The following SPOCK3 variants were observed in gnomAD, a reference collection of about 807,000 sequenced individuals.
SPOCK3 encodes testican-3.
A neutral mutation model predicts 56.6 loss-of-function variants in SPOCK3; 30 were observed. The observed-to-expected ratio is 0.53, with a 90% confidence interval of 0.40 to 0.72. The LOEUF (loss-of-function observed/expected upper bound fraction) is 0.72, where lower values mean the gene tolerates loss of function less well. SPOCK3 is among the 30% of genes least tolerant of loss of function. SPOCK3 has a pLI of 0.00. For missense variants in SPOCK3, 527 were observed against 530.0 expected, an observed-to-expected ratio of 0.99 and a Z score of 0.06; for synonymous variants, 196 against 183.3, an observed-to-expected ratio of 1.07 and a Z score of -0.56.
At chr4:166,871,569 T>C (rs766713902) in intron 6 of SPOCK3, among the ~76,000 whole-genome samples, 8 of 152,046 alleles carry the variant, frequency 5.3e-5, no homozygotes, top group Non-Finnish European at 1.2e-4. Context: ...GGTTAAAACG[T>C]TGCAAACAAA....
At chr4:166,754,311 T>C (rs1480740800) in intron 8 of SPOCK3, 197 bp downstream of exon 8, 1 of 1,303,092 alleles carries the variant, frequency 7.7e-7, no homozygotes, top group Non-Finnish European at 9.7e-7. Flanking sequence ...CTATTTTTCA[T>C]CTTATTTAGC....
At chr4:166,833,439 A>G (rs189390495) in intron 6 of SPOCK3, among the ~76,000 whole-genome samples, 1 of 152,300 alleles carries the variant, frequency 6.6e-6, no homozygotes, top group East Asian at 1.9e-4. Context: ...TAAGAGGCAA[A>G]TGTTGCAGTT....
intron 2 of SPOCK3, among the ~76,000 whole-genome samples, chr4:167,228,091 G>T (rs1214760033): frequency 6.6e-6 from 1 of 152,054 alleles, no homozygotes; most frequent in Non-Finnish European, 1.5e-5. Context: ...TTTGGGGGTG[G>T]CTAGATGGAT....
chr4:167,203,898 G>T (rs912422205), intron 2 of SPOCK3, among the ~76,000 whole-genome samples: 2 of 152,030 alleles, frequency 1.3e-5, no homozygotes, highest in Non-Finnish European at 2.9e-5. Context: ...TTAAGGCAAG[G>T]ACTGTTTCCC....
intron 2 of SPOCK3, among the ~76,000 whole-genome samples, chr4:167,094,545 A>G (rs1561208952): frequency 6.6e-6 from 1 of 152,152 alleles, no homozygotes; most frequent in Non-Finnish European, 1.5e-5. Flanking sequence ...TTAATGCTGA[A>G]TAAATATTTG....
chr4:167,233,458 T>C (rs1359007513), intron 2 of SPOCK3, among the ~76,000 whole-genome samples: 1 of 152,188 alleles, frequency 6.6e-6, no homozygotes, highest in Non-Finnish European at 1.5e-5. Context: ...TCGACAATTT[T>C]ATGTAAGCGG....
intron 6 of SPOCK3, among the ~76,000 whole-genome samples, chr4:166,834,302 C>G (rs1746385584): frequency 6.6e-6 from 1 of 152,230 alleles, no homozygotes; most frequent in Non-Finnish European, 1.5e-5. Context: ...TCCCCAGCTT[C>G]TGATCGCTCA....
At chr4:166,741,132 A>C (rs1041246448) in intron 9 of SPOCK3, among the ~76,000 whole-genome samples, 8 of 152,326 alleles carry the variant, frequency 5.3e-5, no homozygotes, top group African/African-American at 1.9e-4. Context: ...GAGTGTGTTA[A>C]TATCCGTGAA....
chr4:166,913,358 T>TA (rs1158790547), intron 4 of SPOCK3, among the ~76,000 whole-genome samples: 8 of 152,172 alleles, frequency 5.3e-5, no homozygotes, highest in South Asian at 2.1e-4. Context: ...CACCTACACT[T>TA]ACGATTGTTT....
At chr4:166,962,510 C>A (rs1308547967) in intron 4 of SPOCK3, among the ~76,000 whole-genome samples, 1 of 151,988 alleles carries the variant, frequency 6.6e-6, no homozygotes, top group East Asian at 1.9e-4. Context: ...AGAGAACCTT[C>A]TATAGTTAAC....
chr4:167,101,856 G>A (rs1225057591), intron 2 of SPOCK3, among the ~76,000 whole-genome samples: 1 of 151,180 alleles, frequency 6.6e-6, no homozygotes, highest in Non-Finnish European at 1.5e-5. Context: ...CAAAGTAGCT[G>A]GGACTACAGG....
chr4:166,998,187 T>C (rs983583772), intron 4 of SPOCK3, among the ~76,000 whole-genome samples: 4 of 152,140 alleles, frequency 2.6e-5, no homozygotes, highest in African/African-American at 9.7e-5. Flanking sequence ...AGAGCATGGA[T>C]TGAATGGACA....
intron 6 of SPOCK3, among the ~76,000 whole-genome samples, chr4:166,881,872 A>G (rs1212493013): frequency 6.6e-6 from 1 of 152,172 alleles, no homozygotes; most frequent in Non-Finnish European, 1.5e-5. Flanking sequence ...CCTTATTTAT[A>G]TATTTGGAAA....
At chr4:166,768,467 A>T (rs1482844232) in intron 7 of SPOCK3, among the ~76,000 whole-genome samples, 1 of 152,162 alleles carries the variant, frequency 6.6e-6, no homozygotes, top group Non-Finnish European at 1.5e-5. Flanking sequence ...GCTGGATATG[A>T]AATTCTGGGT....
intron 2 of SPOCK3, among the ~76,000 whole-genome samples, chr4:167,141,373 T>A (rs1763515841): frequency 6.6e-6 from 1 of 152,030 alleles, no homozygotes; most frequent in African/African-American, 2.4e-5. Flanking sequence ...ACACCACATT[T>A]CTAGTTTATC....
At chr4:166,861,749 T>C (rs1428113163) in intron 6 of SPOCK3, among the ~76,000 whole-genome samples, 2 of 152,126 alleles carry the variant, frequency 1.3e-5, no homozygotes, top group African/African-American at 4.8e-5. Flanking sequence ...CCTTTTCTGA[T>C]TGGACATTTT....
At chr4:167,230,964 T>G (rs1027134465) in intron 2 of SPOCK3, among the ~76,000 whole-genome samples, 5 of 152,128 alleles carry the variant, frequency 3.3e-5, no homozygotes, top group African/African-American at 1.2e-4. Flanking sequence ...ACCTATTCAC[T>G]GTAAGCTTGT....
At chr4:167,001,508 C>T (rs992536259) in intron 3 of SPOCK3, among the ~76,000 whole-genome samples, 2 of 152,234 alleles carry the variant, frequency 1.3e-5, no homozygotes, top group South Asian at 4.1e-4. Context: ...TACATATATA[C>T]CACATTTTAT....
At chr4:167,062,622 C>A in intron 2 of SPOCK3, 85 bp from the exon 3 acceptor site, 2 of 1,052,680 alleles carry the variant, frequency 1.9e-6, no homozygotes, top group Non-Finnish European at 2.9e-6. Context: ...AAATATGAAA[C>A]ACAGAAGCTG....
Sources: allele counts gnomAD v4.1 joint callset (sites outside exome capture counted in the v4.1 genomes callset), GRCh38; gene constraint gnomAD v4.1.1; transcripts MANE v1.5; gene names NCBI Gene and HGNC (gene_info 2026-07-23, HGNC 2026-07-21).